Variants in SMIM45 observed in about 807,000 individuals in gnomAD.
SMIM45 encodes the protein small integral membrane protein 45, also known as long intergenic non-protein coding RNA 634.
chr22:41,948,090 C>T, the SMIM45 span, among the ~76,000 whole-genome samples: 1 of 152,106 alleles, frequency 6.6e-6, no homozygotes, highest in Non-Finnish European at 1.5e-5. Flanking sequence ...CATGCAGGGA[C>T]GCTCAGGGCC....
the SMIM45 span, among the ~76,000 whole-genome samples, chr22:41,957,181 C>CT: frequency 0.18 from 10,786 of 59,180 alleles, 3,189 homozygotes; most frequent in Non-Finnish European, 0.23. Flanking sequence ...ACCACGTGGT[C>CT]TTTTTTTTTT....
At chr22:41,949,194 G>C in the SMIM45 span, among the ~76,000 whole-genome samples, 1 of 151,728 alleles carries the variant, frequency 6.6e-6, no homozygotes, top group Admixed American at 6.6e-5. Context: ...GCAGTGAGCT[G>C]AGATCGCACC....
chr22:41,952,676 G>A, the SMIM45 span, among the ~76,000 whole-genome samples: 10 of 152,226 alleles, frequency 6.6e-5, no homozygotes, highest in East Asian at 1.5e-3. Flanking sequence ...ACCTAGGTCA[G>A]TTCCCTGAGA....
the SMIM45 span, chr22:41,947,177 T>G: frequency 8.8e-7 from 1 of 1,135,966 alleles, no homozygotes; most frequent in South Asian, 1.3e-5. Context: ...CGTGCCTCCT[T>G]ATAGGCGGGG....
At chr22:41,957,224 C>CG in the SMIM45 span, among the ~76,000 whole-genome samples, 2 of 117,970 alleles carry the variant, frequency 1.7e-5, no homozygotes, top group Non-Finnish European at 3.2e-5. Flanking sequence ...GACGGAGTAT[C>CG]GCTCTGTCAC....
At chr22:41,946,993 G>T in the SMIM45 span, 1 of 1,611,320 alleles carries the variant, frequency 6.2e-7, no homozygotes, top group Non-Finnish European at 8.5e-7. Flanking sequence ...AAAAACCGGC[G>T]GGGGAAGCAG....
chr22:41,953,751 T>TG, the SMIM45 span, among the ~76,000 whole-genome samples: 1 of 74,922 alleles, frequency 1.3e-5, no homozygotes, highest in Non-Finnish European at 2.1e-5. Context: ...TTTTTTTTTT[T>TG]TTTTTTTTTT....
chr22:41,947,113 C>T, the SMIM45 span: 2 of 1,607,266 alleles, frequency 1.2e-6, no homozygotes, highest in East Asian at 2.2e-5. Context: ...CTGCGGTGCG[C>T]GCCGATCTTT....
the SMIM45 span, among the ~76,000 whole-genome samples, chr22:41,953,229 G>C: frequency 6.6e-6 from 1 of 152,174 alleles, no homozygotes; most frequent in Admixed American, 6.5e-5. Flanking sequence ...TCCCTCCCCT[G>C]GGGCCACAGC....
the SMIM45 span, among the ~76,000 whole-genome samples, chr22:41,953,393 A>T: frequency 6.6e-6 from 1 of 151,950 alleles, no homozygotes; most frequent in South Asian, 2.1e-4. Context: ...GCATCTGCTC[A>T]TTTCATCCTG....
the SMIM45 span, among the ~76,000 whole-genome samples, chr22:41,951,326 T>C: frequency 9.2e-5 from 14 of 151,854 alleles, no homozygotes; most frequent in African/African-American, 3.4e-4. Flanking sequence ...CTTGGGAAGG[T>C]GGACCCCACC....
the SMIM45 span, among the ~76,000 whole-genome samples, chr22:41,948,426 T>C: frequency 6.6e-6 from 1 of 152,244 alleles, no homozygotes; most frequent in South Asian, 2.1e-4. Context: ...ATTGTTGTAA[T>C]AACTGGGAGA....
At chr22:41,955,113 A>G in the SMIM45 span, among the ~76,000 whole-genome samples, 1 of 152,202 alleles carries the variant, frequency 6.6e-6, no homozygotes, top group Non-Finnish European at 1.5e-5. Context: ...CAGTGGAAAT[A>G]ACAATAGCTG....
the SMIM45 span, among the ~76,000 whole-genome samples, chr22:41,950,969 C>A: frequency 1.3e-5 from 2 of 152,152 alleles, no homozygotes; most frequent in African/African-American, 4.8e-5. Context: ...TCCAGCCTGG[C>A]GAACACAGCG....
the SMIM45 span, among the ~76,000 whole-genome samples, chr22:41,951,968 C>T: frequency 3.9e-5 from 6 of 152,232 alleles, no homozygotes; most frequent in Non-Finnish European, 8.8e-5. Flanking sequence ...TCCCCCTCCC[C>T]GCACTCCCCC....
the SMIM45 span, among the ~76,000 whole-genome samples, chr22:41,948,800 C>G: frequency 6.6e-6 from 1 of 151,782 alleles, no homozygotes; most frequent in African/African-American, 2.4e-5. Flanking sequence ...TGGTGGTTCA[C>G]GCATGTAATC....
chr22:41,947,210 T>A, the SMIM45 span: 2 of 766,634 alleles, frequency 2.6e-6, no homozygotes, highest in East Asian at 5.4e-5. Context: ...GGACGGGGCC[T>A]CTTAAAGGAA....
the SMIM45 span, chr22:41,947,275 T>C: frequency 5.0e-6 from 3 of 596,844 alleles, no homozygotes; most frequent in South Asian, 5.9e-5. Context: ...GTGGAACACG[T>C]GGTGGACAGG....
the SMIM45 span, among the ~76,000 whole-genome samples, chr22:41,950,127 T>C: frequency 6.6e-6 from 1 of 151,702 alleles, no homozygotes; most frequent in Non-Finnish European, 1.5e-5. Context: ...TGTTATGTAT[T>C]GAGCTTCCCA....
Sources: gnomAD v4.1 joint callset for allele counts (sites outside exome capture counted in the v4.1 genomes callset) on GRCh38, gnomAD v4.1.1 for gene constraint, MANE v1.5 for transcripts, NCBI Gene and HGNC (gene_info 2026-07-23, HGNC 2026-07-21) for gene names.